Variants in ADGRL2 observed in about 807,000 individuals in gnomAD.
The protein encoded by ADGRL2 is calcium-independent alpha-latrotoxin receptor 2.
Under a neutral mutation model 157.4 loss-of-function variants are expected in ADGRL2, and 44 were observed. The observed-to-expected ratio is 0.28, with a 90% CI of 0.22 to 0.36. The LOEUF is 0.36. Among genes scored for constraint, ADGRL2 ranks in the 10% least tolerant of loss-of-function variants. The pLI is 1.00. For missense variants in ADGRL2, 1,510 were observed against 1,768.9 expected (o/e 0.85, Z 2.63); for synonymous variants, 585 against 624.7 (o/e 0.94, Z 0.95).
intron 2 of ADGRL2, among the ~76,000 whole-genome samples, chr1:81,519,632 G>A (rs1054452406): frequency 6.6e-6 from 1 of 152,174 alleles, no homozygotes; most frequent in Non-Finnish European, 1.5e-5. Flanking sequence ...TGAGCATCCA[G>A]TATGTGCAAT....
intron 3 of ADGRL2, among the ~76,000 whole-genome samples, chr1:81,933,117 T>TA: frequency 6.6e-6 from 1 of 152,336 alleles, no homozygotes; most frequent in Admixed American, 6.5e-5. Flanking sequence ...TTTATAAATA[T>TA]AAAATGAAAT....
At chr1:81,459,242 T>C (rs1364333329) in intron 2 of ADGRL2, among the ~76,000 whole-genome samples, 1 of 152,190 alleles carries the variant, frequency 6.6e-6, no homozygotes, top group Non-Finnish European at 1.5e-5. Flanking sequence ...TGAACTGTCA[T>C]TGGCTTGAAG....
intron 2 of ADGRL2, among the ~76,000 whole-genome samples, chr1:81,499,221 G>T (rs982988304): frequency 1.3e-5 from 2 of 152,208 alleles, no homozygotes; most frequent in African/African-American, 4.8e-5. Flanking sequence ...ATACTCTTTG[G>T]TCCAATAAAC....
intron 3 of ADGRL2, among the ~76,000 whole-genome samples, chr1:81,585,198 C>T (rs2080998961): frequency 6.6e-6 from 1 of 152,074 alleles, no homozygotes; most frequent in African/African-American, 2.4e-5. Context: ...TCTAGACTCA[C>T]ATAAGGAAAG....
chr1:81,702,320 C>CA (rs1192369089), intron 1 of ADGRL2, among the ~76,000 whole-genome samples: 1 of 152,192 alleles, frequency 6.6e-6, no homozygotes, highest in African/African-American at 2.4e-5. Flanking sequence ...TAGACAGCAT[C>CA]ACCCCTTCTT....
intron 2 of ADGRL2, among the ~76,000 whole-genome samples, chr1:81,852,402 A>G (rs1321818024): frequency 6.6e-6 from 1 of 152,092 alleles, no homozygotes; most frequent in African/African-American, 2.4e-5. Flanking sequence ...TTCGGAAGAG[A>G]TACTTATGAA....
At chr1:81,504,681 C>A (rs554525189) in intron 2 of ADGRL2, among the ~76,000 whole-genome samples, 1 of 152,036 alleles carries the variant, frequency 6.6e-6, no homozygotes, top group East Asian at 1.9e-4. Context: ...TGGAGAGGCC[C>A]GCTCTCACAC....
At chr1:81,317,616 C>A (rs1358809513) in intron 1 of ADGRL2, among the ~76,000 whole-genome samples, 1 of 152,108 alleles carries the variant, frequency 6.6e-6, no homozygotes, top group Non-Finnish European at 1.5e-5. Flanking sequence ...TCTCTAGAAA[C>A]AGTATAGTAA....
chr1:81,745,776 T>A (rs2085225757), intron 1 of ADGRL2, among the ~76,000 whole-genome samples: 1 of 152,194 alleles, frequency 6.6e-6, no homozygotes, highest in Non-Finnish European at 1.5e-5. Flanking sequence ...AATATTTTAT[T>A]AGCGAGCTTG....
chr1:81,663,925 A>G (rs571241327), intron 3 of ADGRL2, among the ~76,000 whole-genome samples: 49 of 152,232 alleles, frequency 3.2e-4, no homozygotes, highest in African/African-American at 1.1e-3. Flanking sequence ...AGTATGGTTT[A>G]TATTTTTGAG....
chr1:81,677,079 G>A lies in ADGRL2; in HGVS notation c.-142-84732G>A, dbSNP rs115015250. On this transcript the variant is annotated intron_variant, in intron 3 of 24. Transcript: ENST00000370721. ...TCGGCTCATCGCAACTCTGCCTCCC[G>A]GTTTCAGGCAATTCTCCTGCCTCGG... Among the ~76,000 whole-genome samples the A allele has an allele frequency of 8.2e-3, 1,222 of 149,496 alleles. 17 individuals are homozygous for A. The highest frequency in any genetic ancestry group is 0.027 in the African/African-American group (1,082 of 40,510).
At chr1:81,398,485 T>A (rs567457120) in intron 1 of ADGRL2, among the ~76,000 whole-genome samples, 15 of 152,080 alleles carry the variant, frequency 9.9e-5, no homozygotes, top group African/African-American at 3.4e-4. Flanking sequence ...ACCAGTGAAT[T>A]TTATACTTTT....
intron 3 of ADGRL2, among the ~76,000 whole-genome samples, chr1:81,684,125 T>C (rs1482392049): frequency 6.6e-6 from 1 of 152,100 alleles, no homozygotes; most frequent in African/African-American, 2.4e-5. Context: ...AAATAATGAC[T>C]TCTTTTCCTC....
At chr1:81,794,703 A>C (rs1206118424) in intron 2 of ADGRL2, among the ~76,000 whole-genome samples, 1 of 152,188 alleles carries the variant, frequency 6.6e-6, no homozygotes, top group African/African-American at 2.4e-5. Flanking sequence ...TGCCTATTAC[A>C]TCATTGTTTG....
intron 3 of ADGRL2, among the ~76,000 whole-genome samples, chr1:81,595,346 A>T (rs186196106): frequency 1.3e-5 from 2 of 152,350 alleles, no homozygotes; most frequent in East Asian, 3.9e-4. Flanking sequence ...CATGGGAGTA[A>T]TAACATTTAG....
intron 2 of ADGRL2, among the ~76,000 whole-genome samples, chr1:81,864,700 A>G (rs1044520689): frequency 2.6e-5 from 4 of 152,118 alleles, no homozygotes; most frequent in African/African-American, 9.7e-5. Flanking sequence ...GGTGGCTCAC[A>G]CCTGTAATCC....
At position 81,990,458 on chromosome 1, in the gene ADGRL2, C is replaced by T; in HGVS notation, c.3723C>T (p.Asn1241=). 1 of 1,614,084 alleles carries T rather than the reference C, an allele frequency of 6.2e-7. No homozygotes were observed. Among genetic ancestry groups the T allele is most frequent in the Non-Finnish European group, 8.5e-7 (1 of 1,179,950 alleles). The change falls in exon 24 of 24, where the codon AAC becomes AAT. Residue 1241 remains asparagine, a synonymous_variant. Coordinates refer to ENST00000686636, the MANE Select transcript of ADGRL2 (RefSeq NM_001366006.2). ...CTCTACCGCTAAATGGTAATTTTAACAACAGCTACTCGCTGCACAAGGGTG... is the reference window on the plus strand; with the variant it reads ...CTCTACCGCTAAATGGTAATTTTAATAACAGCTACTCGCTGCACAAGGGTG... ...MDTLPLNGNF[N]NSYSLHKGDY...
In ADGRL2 at chr1:81,990,503, A is replaced by C; in HGVS notation, c.3768A>C (p.Gln1256His). The change falls in exon 24 of 24, where the codon CAA (glutamine) becomes CAC (histidine). Residue 1256 changes from glutamine (Q) to histidine (H), a missense_variant. Physicochemically the swap from Gln to His is conservative, Grantham distance 24. Around this residue, in one of 4 missense-constraint regions of ADGRL2, gnomAD observed 327 missense variants for 310.1 expected, o/e 1.05. Coordinates refer to ENST00000686636, the MANE Select transcript of ADGRL2 (RefSeq NM_001366006.2). ...AGGGTGACTATAATGACAGCGTGCA[A>C]GTTGTGGACTGTGGACTAAGTCTGA... The part of the protein sequence containing the change: ...LHKGDYNDSV[Q>H]VVDCGLSLND... 1.2e-6 allele frequency: 2 copies of C among 1,614,144 alleles called. No homozygotes were observed. Among genetic ancestry groups the C allele is most frequent in the Non-Finnish European group, 1.7e-6 (2 of 1,179,994 alleles).
chr1:81,813,348 GTTTC>G (rs1239299727), intron 1 of ADGRL2, among the ~76,000 whole-genome samples: 2 of 151,512 alleles, frequency 1.3e-5, no homozygotes, highest in Non-Finnish European at 3.0e-5. Flanking sequence ...AAAAAGCTTC[GTTTC>G]TTAATGAAAT....
Sources: gnomAD v4.1 joint callset for allele counts (sites outside exome capture counted in the v4.1 genomes callset) on GRCh38, gnomAD v4.1.1 for gene constraint, gnomAD v4.1.1 regional missense constraint, MANE v1.5 for transcripts, NCBI Gene and HGNC (gene_info 2026-07-23, HGNC 2026-07-21) for gene names.